Variants in LHFPL2 observed in about 807,000 individuals in gnomAD.
LHFPL2 encodes the protein LHFPL tetraspan subfamily member 2 protein.
A neutral mutation model predicts 17.5 loss-of-function variants in LHFPL2; 7 were observed. That is an observed-to-expected ratio of 0.40 (90% CI 0.23 to 0.75). The LOEUF (loss-of-function observed/expected upper bound fraction) is 0.75, where lower values mean the gene tolerates loss of function less well. LHFPL2 is among the 30% of genes least tolerant of loss of function. The probability of loss-of-function intolerance (pLI) is 0.37; values close to 1 mark genes in which losing one functional copy is unlikely to be tolerated. For synonymous variants in LHFPL2, 134 were observed against 116.2 expected (o/e 1.15, Z -0.99); for missense variants, 241 against 294.8 (o/e 0.82, Z 1.34).
intron 4 of LHFPL2, among the ~76,000 whole-genome samples, chr5:78,507,508 C>T (rs1457020703): frequency 6.6e-6 from 1 of 152,164 alleles, no homozygotes; most frequent in African/African-American, 2.4e-5. Context: ...TCAACTAACG[C>T]CTTATTATAA....
chr5:78,630,453 T>G (rs1010351659), intron 2 of LHFPL2, among the ~76,000 whole-genome samples: 7 of 152,190 alleles, frequency 4.6e-5, no homozygotes, highest in Admixed American at 1.3e-4. Flanking sequence ...TCAAGTATGA[T>G]AGACGAACTG....
At chr5:78,494,364 C>G in intron 4 of LHFPL2, 1 of 985,370 alleles carries the variant, frequency 1.0e-6, no homozygotes, top group Non-Finnish European at 1.2e-6. Flanking sequence ...CTGCTCACCT[C>G]TGCGATGGCT....
intron 3 of LHFPL2, among the ~76,000 whole-genome samples, chr5:78,551,513 A>C (rs1756440427): frequency 1.3e-5 from 2 of 152,276 alleles, no homozygotes; most frequent in South Asian, 4.1e-4. Flanking sequence ...CAGGCCCTGG[A>C]CACCACCTTG....
chr5:78,554,931 A>G (rs1237977994), intron 3 of LHFPL2, among the ~76,000 whole-genome samples: 1 of 152,210 alleles, frequency 6.6e-6, no homozygotes, highest in Admixed American at 6.5e-5. Flanking sequence ...ATTTTGCTAT[A>G]TTAATAAAGT....
chr5:78,555,635 T>TG (rs1305434185), intron 3 of LHFPL2, among the ~76,000 whole-genome samples: 1 of 152,086 alleles, frequency 6.6e-6, no homozygotes, highest in Admixed American at 6.5e-5. Context: ...GAGTTTCACT[T>TG]GGGGGCATGC....
At chr5:78,583,097 A>T (rs568598221) in intron 2 of LHFPL2, among the ~76,000 whole-genome samples, 1 of 152,038 alleles carries the variant, frequency 6.6e-6, no homozygotes, top group East Asian at 1.9e-4. Context: ...AGAGACTAGG[A>T]TTGCAACCCC....
At chr5:78,494,465 T>A (rs1335040289) in intron 4 of LHFPL2, 34 of 985,362 alleles carry the variant, frequency 3.5e-5, no homozygotes, top group Middle Eastern at 1.0e-3. Context: ...ACAGCCTCAT[T>A]GTACCAAGGA....
At chr5:78,587,842 C>T (rs991624040) in intron 2 of LHFPL2, among the ~76,000 whole-genome samples, 3 of 152,212 alleles carry the variant, frequency 2.0e-5, no homozygotes, top group Admixed American at 2.0e-4. Flanking sequence ...AGTGCAAATC[C>T]TTATCATCTC....
chr5:78,596,930 A>G (rs770966298), intron 2 of LHFPL2, among the ~76,000 whole-genome samples: 22 of 152,244 alleles, frequency 1.4e-4, no homozygotes, highest in Non-Finnish European at 2.4e-4. Flanking sequence ...CAGTCTATAC[A>G]TTCATATGAA....
chr5:78,499,227 T>A (rs1754698131), intron 4 of LHFPL2, among the ~76,000 whole-genome samples: 1 of 152,258 alleles, frequency 6.6e-6, no homozygotes. Flanking sequence ...CAATGGATAC[T>A]TTAGTTGGAA....
chr5:78,561,024 T>C (rs943219164), intron 3 of LHFPL2, among the ~76,000 whole-genome samples: 4 of 152,222 alleles, frequency 2.6e-5, no homozygotes, highest in Non-Finnish European at 5.9e-5. Context: ...TATTTTGACA[T>C]GTGATCAGCA....
At chr5:78,491,087 A>G (rs1237215564) in intron 4 of LHFPL2, 2 of 152,208 alleles carry the variant, frequency 1.3e-5, no homozygotes, top group Admixed American at 1.3e-4. Context: ...ACACATCACA[A>G]CTTTCACAGT....
intron 3 of LHFPL2, among the ~76,000 whole-genome samples, chr5:78,524,942 G>A (rs998275788): frequency 2.1e-4 from 32 of 152,034 alleles, no homozygotes; most frequent in Non-Finnish European, 8.8e-5. Context: ...TTAATACTTG[G>A]TACTCCTTGA....
intron 1 of LHFPL2, among the ~76,000 whole-genome samples, chr5:78,634,472 C>T (rs1252530205): frequency 6.6e-6 from 1 of 152,226 alleles, no homozygotes; most frequent in Non-Finnish European, 1.5e-5. Flanking sequence ...AGCTCTCTGG[C>T]TTCCCCACCT....
At chr5:78,647,419 C>T (rs1745921989) in intron 1 of LHFPL2, among the ~76,000 whole-genome samples, 1 of 152,186 alleles carries the variant, frequency 6.6e-6, no homozygotes, top group South Asian at 2.1e-4. Flanking sequence ...TCCCTTCAAG[C>T]TCAGTTACTC....
rs116642051 is a variant in LHFPL2 at position 78,506,302 on chromosome 5, G to A, written c.430+3482C>T. Among the ~76,000 whole-genome samples the A allele has an allele frequency of 2.0e-5, 3 of 152,262 alleles. No homozygotes were observed. In the Middle Eastern group the frequency reaches 0.01, roughly 518 times the overall value. On this transcript the variant is annotated intron_variant, in intron 4 of 4. Coordinates refer to ENST00000380345, the MANE Select transcript of LHFPL2 (RefSeq NM_005779.3). ...AGGTGTAGCAAAAGAATATGCTTAC[G>A]ATCATTTCTCATCCAGTCACATTTT...
intron 2 of LHFPL2, among the ~76,000 whole-genome samples, chr5:78,609,450 CAAAAAAA>C (rs71613975): frequency 2.0e-4 from 8 of 40,666 alleles, no homozygotes; most frequent in African/African-American, 5.1e-4. Context: ...GACTCAGTCT[CAAAAAAA>C]AAAAAAAAAA....
chr5:78,556,878 C>T (rs996664147), intron 3 of LHFPL2, among the ~76,000 whole-genome samples: 8 of 152,122 alleles, frequency 5.3e-5, no homozygotes, highest in African/African-American at 1.7e-4. Context: ...GATTTTTTCC[C>T]TGCATGCTTA....
In LHFPL2 at chr5:78,485,545, T is replaced by G. The variant is rs1052292925; in HGVS notation, c.*3352A>C. The G allele has an allele frequency of 3.9e-5, 6 of 152,584 alleles. No homozygotes were observed. The highest frequency in any genetic ancestry group is 1.4e-4 in the African/African-American group (6 of 41,420). The allele number at this position is 152,584 out of a possible 1,614,324, so 9.5% of individuals were successfully genotyped here. ...TAACTCTTTTGGCCCTTGGGAGTCA[T>G]TGCAACCCCAATACAAATGCCGGCC... is the stretch of plus-strand genomic sequence containing the variant. On this transcript the variant is annotated 3_prime_UTR_variant, in exon 5 of 5. Coordinates refer to ENST00000380345, the MANE Select transcript of LHFPL2 (RefSeq NM_005779.3).
Sources: gnomAD v4.1 joint callset for allele counts (sites outside exome capture counted in the v4.1 genomes callset) on GRCh38, gnomAD v4.1.1 for gene constraint, MANE v1.5 for transcripts, NCBI Gene and HGNC (gene_info 2026-07-23, HGNC 2026-07-21) for gene names.